Variants in RCOR1 observed in about 807,000 individuals in gnomAD.
The protein encoded by RCOR1 is REST corepressor.
A neutral mutation model predicts 64.0 loss-of-function variants in RCOR1; 12 were observed. The ratio of observed to expected loss-of-function variants is 0.19; its 90% CI spans 0.12 to 0.30. RCOR1 has a LOEUF of 0.30. Ranked by LOEUF, RCOR1 falls within the 10% of genes least tolerant of loss-of-function variation. RCOR1 has a pLI of 1.00. For synonymous variants in RCOR1, 279 were observed against 227.2 expected, an observed-to-expected ratio of 1.23 and a Z score of -2.05; for missense variants, 502 against 621.2, an observed-to-expected ratio of 0.81 and a Z score of 2.04.
intron 2 of RCOR1, among the ~76,000 whole-genome samples, chr14:102,653,974 TCTTTC>T (rs1567423427): frequency 1.2e-3 from 53 of 44,766 alleles, no homozygotes; most frequent in African/African-American, 7.3e-3. Flanking sequence ...TTTCTTTCTT[TCTTTC>T]TTTCTTTTTT....
At chr14:102,632,766 TCCCCTCTCCTCC>T (rs1894152963) in intron 2 of RCOR1, among the ~76,000 whole-genome samples, 1 of 68,954 alleles carries the variant, frequency 1.5e-5, no homozygotes, top group Non-Finnish European at 2.5e-5. Flanking sequence ...TCCCCTCCCC[TCCCCTCTCCTCC>T]CCTCTCCTCT....
intron 2 of RCOR1, among the ~76,000 whole-genome samples, chr14:102,653,963 CTTTCTTTCTTTCTTTCTTTCTTTT>C (rs1567423375): frequency 1.1e-4 from 5 of 43,696 alleles, no homozygotes; most frequent in Admixed American, 2.4e-4. Flanking sequence ...TTCTTTCTTT[CTTTCTTTCTTTCTTTCTTTCTTTT>C]TTTTTTTTTT....
chr14:102,714,348 A>T (rs1896020800), intron 7 of RCOR1, 75 bp from the exon 8 acceptor site: 3 of 939,916 alleles, frequency 3.2e-6, no homozygotes, highest in Admixed American at 2.9e-5. Flanking sequence ...GTGCCATGTT[A>T]AGGAAATAAA....
intron 2 of RCOR1, among the ~76,000 whole-genome samples, chr14:102,679,496 T>C (rs1442432574): frequency 6.6e-6 from 1 of 151,766 alleles, no homozygotes; most frequent in Non-Finnish European, 1.5e-5. Flanking sequence ...TTTTTTTTTT[T>C]GAGACAGAAT....
At chr14:102,632,457 G>A (rs1215430213) in intron 2 of RCOR1, among the ~76,000 whole-genome samples, 2 of 151,596 alleles carry the variant, frequency 1.3e-5, no homozygotes, top group African/African-American at 2.4e-5. Context: ...TGCCTGCCTC[G>A]GCCTCCCAAA....
chr14:102,715,292 C>T (rs1174368474), intron 8 of RCOR1, among the ~76,000 whole-genome samples: 8 of 150,524 alleles, frequency 5.3e-5, no homozygotes, highest in Admixed American at 3.3e-4. Flanking sequence ...AGGATGGTCT[C>T]GATCTCCTGA....
At chr14:102,641,371 G>A (rs975045565) in intron 2 of RCOR1, among the ~76,000 whole-genome samples, 5 of 152,030 alleles carry the variant, frequency 3.3e-5, no homozygotes, top group African/African-American at 7.2e-5. Flanking sequence ...AGGCTGAGGC[G>A]GGTGGATCAC....
chr14:102,712,219 G>T (rs1895975784), intron 7 of RCOR1, among the ~76,000 whole-genome samples: 1 of 151,898 alleles, frequency 6.6e-6, no homozygotes, highest in African/African-American at 2.4e-5. Context: ...CTCTCACTCT[G>T]TTGCCCAGGC....
intron 2 of RCOR1, among the ~76,000 whole-genome samples, chr14:102,625,795 T>C (rs1222717487): frequency 6.6e-6 from 1 of 152,220 alleles, no homozygotes; most frequent in African/African-American, 2.4e-5. Flanking sequence ...ACCTTTCTGT[T>C]ACGTAGTCTA....
chr14:102,651,347 G>A (rs763831352), intron 2 of RCOR1, among the ~76,000 whole-genome samples: 16 of 152,214 alleles, frequency 1.1e-4, no homozygotes, highest in Non-Finnish European at 7.4e-5. Context: ...GAGGTCAGGA[G>A]GTTGAGATGA....
chr14:102,656,782 C>T (rs7155489), intron 2 of RCOR1, among the ~76,000 whole-genome samples: 29,535 of 144,226 alleles, frequency 0.2, 3,131 homozygotes, highest in East Asian at 0.38. Context: ...CTTTTCTTTT[C>T]TTTTTTTTTT....
intron 3 of RCOR1, among the ~76,000 whole-genome samples, chr14:102,692,099 T>A: frequency 6.6e-6 from 1 of 152,256 alleles, no homozygotes; most frequent in East Asian, 1.9e-4. Flanking sequence ...CTGTTTCATA[T>A]ACCAAGGAAT....
intron 2 of RCOR1, chr14:102,662,156 G>C: frequency 2.5e-6 from 1 of 392,260 alleles, no homozygotes; most frequent in South Asian, 2.0e-5. Flanking sequence ...GTCATTAAAT[G>C]TACATACTTC....
intron 3 of RCOR1, among the ~76,000 whole-genome samples, chr14:102,682,332 GT>G (rs1895322684): frequency 6.6e-6 from 1 of 152,128 alleles, no homozygotes; most frequent in African/African-American, 2.4e-5. Context: ...GTTTTGCCAT[GT>G]TGGCCAGGCT....
chr14:102,692,469 A>ACACACACG (rs1555466516), intron 3 of RCOR1, among the ~76,000 whole-genome samples: 1 of 150,858 alleles, frequency 6.6e-6, no homozygotes, highest in Non-Finnish European at 1.5e-5. Context: ...ACACACACAC[A>ACACACACG]CACGCTTATT....
chr14:102,613,212 G>T (rs1893670149), intron 2 of RCOR1, among the ~76,000 whole-genome samples: 1 of 151,442 alleles, frequency 6.6e-6, no homozygotes, highest in Admixed American at 6.6e-5. Context: ...AGCAGTTCTT[G>T]TGCCTCAGCC....
At chr14:102,620,080 C>T (rs1380948425) in intron 2 of RCOR1, among the ~76,000 whole-genome samples, 2 of 152,124 alleles carry the variant, frequency 1.3e-5, no homozygotes, top group African/African-American at 4.8e-5. Context: ...TCTTGTAAAT[C>T]TCCTGCTTCT....
chr14:102,642,345 G>A (rs1894386384), intron 2 of RCOR1, among the ~76,000 whole-genome samples: 2 of 152,282 alleles, frequency 1.3e-5, no homozygotes, highest in South Asian at 4.1e-4. Flanking sequence ...TTTAGATCTG[G>A]TTAAGATTCT....
chr14:102,702,650 A>G (rs1895775390), intron 4 of RCOR1, among the ~76,000 whole-genome samples: 1 of 152,226 alleles, frequency 6.6e-6, no homozygotes, highest in African/African-American at 2.4e-5. Context: ...GCAGTGCCTC[A>G]GAGAAGACCT....
Sources: gnomAD v4.1 joint callset for allele counts (sites outside exome capture counted in the v4.1 genomes callset) on GRCh38, gnomAD v4.1.1 for gene constraint, MANE v1.5 for transcripts, NCBI Gene and HGNC (gene_info 2026-07-23, HGNC 2026-07-21) for gene names.